Variants in LRBA observed in about 807,000 individuals in gnomAD.
LRBA encodes the protein LPS responsive beige-like anchor protein.
Under a neutral mutation model 330.0 loss-of-function variants are expected in LRBA, and 176 were observed. That is an observed-to-expected ratio of 0.53 (90% CI 0.47 to 0.60). The LOEUF is 0.60. Ranked by LOEUF, LRBA falls within the 20% of genes least tolerant of loss-of-function variation. The pLI is 0.00. For synonymous variants in LRBA, 1,230 were observed against 1,193.0 expected, an observed-to-expected ratio of 1.03 and a Z score of -0.64; for missense variants, 3,259 against 3,444.8, an observed-to-expected ratio of 0.95 and a Z score of 1.35.
intron 47 of LRBA, among the ~76,000 whole-genome samples, chr4:150,383,585 T>G (rs1379791997): frequency 6.6e-6 from 1 of 152,132 alleles, no homozygotes; most frequent in Non-Finnish European, 1.5e-5. Flanking sequence ...CAAACACACT[T>G]TTTTTGAGAA....
intron 52 of LRBA, among the ~76,000 whole-genome samples, chr4:150,304,870 A>T (rs1175827253): frequency 6.6e-6 from 1 of 152,202 alleles, no homozygotes; most frequent in Non-Finnish European, 1.5e-5. Flanking sequence ...TCAAAGGTTA[A>T]ATCCATGTAT....
At chr4:150,587,876 TCTAA>T (rs1333604554) in intron 40 of LRBA, among the ~76,000 whole-genome samples, 168 bp downstream of exon 40, 2 of 152,164 alleles carry the variant, frequency 1.3e-5, no homozygotes, top group African/African-American at 4.8e-5. Flanking sequence ...ACTTCAATAA[TCTAA>T]CTAACTGGTA....
chr4:150,713,794 T>C (rs1173032578), intron 36 of LRBA, among the ~76,000 whole-genome samples: 1 of 152,186 alleles, frequency 6.6e-6, no homozygotes, highest in East Asian at 1.9e-4. Context: ...TTTACAATGC[T>C]AACAGTGAAA....
At chr4:150,858,959 GAATT>G (rs1196052690) in intron 22 of LRBA, among the ~76,000 whole-genome samples, 1 of 151,876 alleles carries the variant, frequency 6.6e-6, no homozygotes, top group African/African-American at 2.4e-5. Context: ...ACCAATTAGA[GAATT>G]CTTTAAAAAA....
intron 40 of LRBA, among the ~76,000 whole-genome samples, chr4:150,549,495 C>A (rs1766308290): frequency 6.6e-6 from 1 of 151,956 alleles, no homozygotes; most frequent in Non-Finnish European, 1.5e-5. Flanking sequence ...CCACGCCCGG[C>A]TAATTTTTTG....
intron 37 of LRBA, among the ~76,000 whole-genome samples, chr4:150,661,675 A>G (rs900655649): frequency 1.6e-4 from 25 of 152,174 alleles, no homozygotes; most frequent in Admixed American, 3.9e-4. Context: ...CAGTGGCACA[A>G]TCTCAGCTCA....
intron 2 of LRBA, among the ~76,000 whole-genome samples, chr4:150,945,987 A>G (rs1736202205): frequency 6.6e-6 from 1 of 152,012 alleles, no homozygotes. Flanking sequence ...TTTAGTAGAG[A>G]CGGGGTTTCA....
At chr4:150,721,652 TC>T (rs1728951289) in intron 36 of LRBA, among the ~76,000 whole-genome samples, 1 of 152,040 alleles carries the variant, frequency 6.6e-6, no homozygotes, top group African/African-American at 2.4e-5. Context: ...TATTGCTCTG[TC>T]CCCCAGGCTG....
At chr4:150,552,854 G>A (rs889456522) in intron 40 of LRBA, among the ~76,000 whole-genome samples, 6 of 152,000 alleles carry the variant, frequency 3.9e-5, no homozygotes, top group East Asian at 1.9e-4. Context: ...CAGATCACGA[G>A]GTCAGGAGAT....
At chr4:150,332,213 A>G (rs1581035018) in intron 48 of LRBA, among the ~76,000 whole-genome samples, 2 of 152,188 alleles carry the variant, frequency 1.3e-5, no homozygotes, top group East Asian at 3.8e-4. Flanking sequence ...AATGTGACAT[A>G]TAATCAACAT....
intron 40 of LRBA, among the ~76,000 whole-genome samples, chr4:150,512,690 A>G (rs1158638049): frequency 6.7e-6 from 1 of 148,922 alleles, no homozygotes; most frequent in Non-Finnish European, 1.5e-5. Context: ...TTGTTATAGC[A>G]GCCCAAACAA....
intron 39 of LRBA, 100 bp downstream of exon 39, chr4:150,590,613 A>T: frequency 1.0e-6 from 1 of 976,282 alleles, no homozygotes; most frequent in Non-Finnish European, 1.6e-6. Flanking sequence ...AATTGTGGGT[A>T]TAAACTTGGT....
At chr4:150,435,296 A>G (rs1242396538) in intron 46 of LRBA, among the ~76,000 whole-genome samples, 1 of 152,192 alleles carries the variant, frequency 6.6e-6, no homozygotes, top group Non-Finnish European at 1.5e-5. Context: ...GGTGGCAGTG[A>G]GCCAAGATCA....
chr4:150,409,206 T>A (rs905103007), intron 47 of LRBA, among the ~76,000 whole-genome samples: 3 of 151,996 alleles, frequency 2.0e-5, no homozygotes, highest in African/African-American at 7.2e-5. Flanking sequence ...GACAGCCACA[T>A]ATAAGCCAAT....
chr4:150,484,050 C>T (rs1296700442), intron 42 of LRBA, among the ~76,000 whole-genome samples: 1 of 151,744 alleles, frequency 6.6e-6, no homozygotes, highest in Non-Finnish European at 1.5e-5. Flanking sequence ...TCATAGATTC[C>T]CTGGGACTTT....
At chr4:150,447,161 C>T (rs1176358944) in intron 44 of LRBA, among the ~76,000 whole-genome samples, 1 of 152,090 alleles carries the variant, frequency 6.6e-6, no homozygotes, top group Non-Finnish European at 1.5e-5. Flanking sequence ...TACTACCTTC[C>T]CTTTATCAAC....
intron 50 of LRBA, among the ~76,000 whole-genome samples, chr4:150,319,364 G>A (rs1020856719): frequency 6.6e-6 from 1 of 152,112 alleles, no homozygotes; most frequent in African/African-American, 2.4e-5. Flanking sequence ...TGGTGGTCCT[G>A]AAGTCACACA....
intron 14 of LRBA, among the ~76,000 whole-genome samples, chr4:150,899,047 T>G (rs923941913): frequency 6.6e-6 from 1 of 152,190 alleles, no homozygotes; most frequent in African/African-American, 2.4e-5. Flanking sequence ...ATTTCTTAAT[T>G]TCAAGCAACA....
At chr4:150,784,507 A>G (rs1320213505) in intron 34 of LRBA, among the ~76,000 whole-genome samples, 1 of 152,140 alleles carries the variant, frequency 6.6e-6, no homozygotes, top group Non-Finnish European at 1.5e-5. Context: ...GTATTTGCAT[A>G]TTAAAAGGCT....
Sources: gnomAD v4.1 joint callset for allele counts (sites outside exome capture counted in the v4.1 genomes callset) on GRCh38, gnomAD v4.1.1 for gene constraint, MANE v1.5 for transcripts, NCBI Gene and HGNC (gene_info 2026-07-23, HGNC 2026-07-21) for gene names.